Variants in ZSWIM8 observed in about 807,000 individuals in gnomAD.
The protein encoded by ZSWIM8 is zinc finger SWIM domain-containing protein 8.
A neutral mutation model predicts 173.7 loss-of-function variants in ZSWIM8; 27 were observed. That is an observed-to-expected ratio of 0.16 (90% CI 0.11 to 0.21). ZSWIM8 has a LOEUF of 0.21. ZSWIM8 is among the 10% of genes least tolerant of loss of function. ZSWIM8 has a pLI of 1.00. For missense variants in ZSWIM8, 1,627 were observed against 2,428.8 expected (o/e 0.67, Z 6.94); for synonymous variants, 958 against 962.0 (o/e 1.00, Z 0.08).
chr10:73,786,149 C>A, intron 1 of ZSWIM8, 63 bp downstream of exon 1: 1 of 1,429,584 alleles, frequency 7.0e-7, no homozygotes. Flanking sequence ...CGGGAGCTGT[C>A]CGGGACCAGG....
chr10:73,799,256 G>GGCAGCAGTGACAGCA lies in ZSWIM8; in HGVS notation c.4437_4451dup (p.Val1480_Ala1484dup). On this transcript the variant is annotated inframe_insertion, in exon 21 of 26. Coordinates refer to ENST00000604729, the MANE Select transcript of ZSWIM8 (RefSeq NM_001367799.1). ...GGACTGAGCCGGTTACAGTGGCAGC[G>GGCAGCAGTGACAGCA]GCAGCAGTGACAGCAGCAGCCACAG... 6.3e-7 allele frequency: 1 copy of GGCAGCAGTGACAGCA among 1,599,806 alleles called. No homozygotes were observed.
intron 7 of ZSWIM8, among the ~76,000 whole-genome samples, chr10:73,790,722 G>A (rs559304976): frequency 2.0e-5 from 3 of 152,192 alleles, no homozygotes; most frequent in South Asian, 2.1e-4. Flanking sequence ...GGTGGCGGGC[G>A]CCTGTAATCT....
Position 73,798,466 on chromosome 10 carries a change from G to A in ZSWIM8, c.4176+13G>A, listed in dbSNP as rs2083766634. ...GTGCAAGGAACAGGTATTTCTACGGGCAATCTGGGAACCTCTTCTGGGGCA... is the reference window on the plus strand; with the variant it reads ...GTGCAAGGAACAGGTATTTCTACGGACAATCTGGGAACCTCTTCTGGGGCA... On this transcript the variant is annotated intron_variant, in intron 20 of 25. Coordinates refer to ENST00000604729, the MANE Select transcript of ZSWIM8 (RefSeq NM_001367799.1). 6.2e-7 allele frequency: 1 copy of A among 1,607,748 alleles called. No individual in the cohort carries two copies. The highest frequency in any genetic ancestry group is 1.1e-5 in the South Asian group (1 of 90,832).
chr10:73,799,239 C>T lies in ZSWIM8; in HGVS notation c.4414C>T (p.Pro1472Ser), dbSNP rs867077291. 6.2e-7 allele frequency: 1 copy of T among 1,603,032 alleles called. No homozygotes were observed. Among genetic ancestry groups the T allele is most frequent in the East Asian group, 2.3e-5 (1 of 44,362 alleles). The stretch of plus-strand genomic sequence containing the variant: ...GGGTAGAGGGGGCCCAGGGACTGAG[C>T]CGGTTACAGTGGCAGCGGCAGCAGT... The part of the protein sequence containing the change: ...PEGRGGPGTE[P>S]VTVAAAAVTA... The change falls in exon 21 of 26, where the codon CCG becomes TCG. Residue 1472 changes from proline to serine, a missense_variant. Pro to Ser is a moderately conservative substitution (Grantham distance 74). Coordinates refer to ENST00000604729, the MANE Select transcript of ZSWIM8 (RefSeq NM_001367799.1).
Position 73,797,264 on chromosome 10 carries a change from G to A in ZSWIM8, c.3426G>A (p.Lys1142=), listed in dbSNP as rs2083708315. The A allele has an allele frequency of 6.2e-7, 1 of 1,613,862 alleles. No homozygotes were observed. The highest frequency in any genetic ancestry group is 8.5e-7 in the Non-Finnish European group (1 of 1,179,882). ...GGTCCCCAGGACGGCCTAAGAAGAA[G>A]CACACAGGTAGGATAGCCTGTGGGC... ...GWGSPGRPKK[K]HTGMASIDSS... is the part of the protein sequence containing the mutation. Residue 1142 remains lysine, a synonymous_variant, in exon 17 of 26, where the codon AAG becomes AAA. Transcript: ENST00000604729. This position sits in a 1 kb window ranked among gnomAD's most constrained non-coding sequence, Gnocchi z 5.6.
At position 73,799,093 on chromosome 10, in the gene ZSWIM8, A is replaced by G; in HGVS notation, c.4268A>G (p.His1423Arg). Residue 1423 changes from histidine to arginine, a missense_variant, in exon 21 of 26, where the codon CAC becomes CGC. This residue lies in a region of ZSWIM8 where 95 missense variants were observed against 271.3 expected (regional missense o/e 0.35). Coordinates refer to ENST00000604729, the MANE Select transcript of ZSWIM8 (RefSeq NM_001367799.1). Reference sequence around the variant, plus strand: ...CCTGAAGTGTTGTTTGAGGTTGCTCACCAGTGGTTCTGGCTGTATGAGCAA... The same window carrying G: ...CCTGAAGTGTTGTTTGAGGTTGCTCGCCAGTGGTTCTGGCTGTATGAGCAA... ...VYPEVLFEVA[H>R]QWFWLYEQTA... The G allele has an allele frequency of 6.2e-7, 1 of 1,613,872 alleles. No homozygotes were observed. Among genetic ancestry groups the G allele is most frequent in the Non-Finnish European group, 8.5e-7 (1 of 1,179,828 alleles).
chr10:73,794,801 T>C, intron 14 of ZSWIM8, 162 bp downstream of exon 14: 1 of 595,836 alleles, frequency 1.7e-6, no homozygotes, highest in Non-Finnish European at 2.9e-6. Flanking sequence ...AAATGTGTGC[T>C]ATATGGCTGG....
chr10:73,789,249 A>C lies in ZSWIM8; in HGVS notation c.457+59A>C. 1 of 1,610,114 alleles carries C rather than the reference A, an allele frequency of 6.2e-7. No homozygotes were observed. Among genetic ancestry groups the C allele is most frequent in the Non-Finnish European group, 8.5e-7 (1 of 1,176,760 alleles). On this transcript the variant is annotated intron_variant, in intron 3 of 25. Coordinates refer to ENST00000604729, the MANE Select transcript of ZSWIM8 (RefSeq NM_001367799.1). This position sits in a 1 kb window ranked among gnomAD's most constrained non-coding sequence, Gnocchi z 6.8. ...GCTCCTCCCATCCCCTGGCTTATGA[A>C]GTAAGAACACACCGCAAGAAGCTGG...
rs1450559971 is a variant in ZSWIM8, at chr10:73,797,984, T to C, written c.3866T>C (p.Ile1289Thr). The change falls in exon 19 of 26, where the codon ATT becomes ACT. Residue 1289 changes from isoleucine (I) to threonine (T), a missense_variant. Physicochemically the swap from Ile to Thr is moderately conservative, Grantham distance 89 (BLOSUM62 -1). Coordinates refer to ENST00000604729, the MANE Select transcript of ZSWIM8 (RefSeq NM_001367799.1). The surrounding 1 kb of genome is among the most constrained non-coding windows in gnomAD (Gnocchi z 5.6). Reference sequence around the variant, plus strand: ...AACCTGCACCTTTGCGCCTTCGAGATTGGGCTTTATGCCCTTGGCCTGCAC... The same window carrying C: ...AACCTGCACCTTTGCGCCTTCGAGACTGGGCTTTATGCCCTTGGCCTGCAC... ...HRNLHLCAFE[I>T]GLYALGLHNF... 2 of 1,614,056 alleles carry C rather than the reference T, an allele frequency of 1.2e-6. No individual in the cohort carries two copies. The highest frequency in any genetic ancestry group is 1.7e-5 in the Admixed American group (1 of 60,032).
Position 73,799,378 on chromosome 10 carries a change from C to T in ZSWIM8, c.4553C>T (p.Pro1518Leu), listed in dbSNP as rs1205814964. 3.1e-6 allele frequency: 5 copies of T among 1,612,032 alleles called. No individual in the cohort carries two copies. The highest frequency in any genetic ancestry group is 1.7e-4 in the Middle Eastern group (1 of 6,060). Reference sequence around the variant, plus strand: ...CTGCACCCCTACACTGCTCTACAGCCCCACCTGCCCTGTAGCCCTCAGTAT... The same window carrying T: ...CTGCACCCCTACACTGCTCTACAGCTCCACCTGCCCTGTAGCCCTCAGTAT... ...PGLHPYTALQPHLPCSPQYLT... is the reference protein window; with the variant it reads ...PGLHPYTALQLHLPCSPQYLT... Residue 1518 changes from proline (P) to leucine (L), a missense_variant, in exon 21 of 26, where the codon CCC (proline) becomes CTC (leucine). Physicochemically the swap from Pro to Leu is moderately conservative, Grantham distance 98. Coordinates refer to ENST00000604729, the MANE Select transcript of ZSWIM8 (RefSeq NM_001367799.1).
chr10:73,800,761 T>TAAC lies in ZSWIM8; in HGVS notation c.5122+4_5122+6dup, dbSNP rs1335290833. ...TGCTGGGGCTGGCAGCAAAGCTGGGTAACACCTCCCCTCCCTAGGACCATT... is the reference window on the plus strand; with the variant it reads ...TGCTGGGGCTGGCAGCAAAGCTGGGTAACAACACCTCCCCTCCCTAGGACCATT... On this transcript the variant is annotated splice_region_variant and intron_variant, in intron 24 of 25. Coordinates refer to ENST00000604729, the MANE Select transcript of ZSWIM8 (RefSeq NM_001367799.1). The surrounding 1 kb of genome is among the most constrained non-coding windows in gnomAD (Gnocchi z 4.1). 6.2e-7 allele frequency: 1 copy of TAAC among 1,611,188 alleles called. No homozygotes were observed. Among genetic ancestry groups the TAAC allele is most frequent in the South Asian group, 1.1e-5 (1 of 90,910 alleles).
rs767027753 is a variant in ZSWIM8, at chr10:73,792,556, G to A, written c.2017G>A (p.Val673Met). Residue 673 changes from valine to methionine, a missense_variant, in exon 10 of 26, where the codon GTG becomes ATG. Physicochemically the swap from Val to Met is conservative, Grantham distance 21. Around this residue, in one of 18 missense-constraint regions of ZSWIM8, gnomAD observed 383 missense variants for 394.8 expected, o/e 0.97. Coordinates refer to ENST00000604729, the MANE Select transcript of ZSWIM8 (RefSeq NM_001367799.1). The surrounding 1 kb of genome is among the most constrained non-coding windows in gnomAD (Gnocchi z 4.3). ...PPDTYEEDGG[V>M]YFSEGPEPPT... ...AGATACTTATGAAGAAGATGGTGGT[G>A]TGTACTTCTCGGAAGGGCCTGAGCC... 1.2e-6 allele frequency: 2 copies of A among 1,614,056 alleles called. No homozygotes were observed. Among genetic ancestry groups the A allele is most frequent in the South Asian group, 2.2e-5 (2 of 91,090 alleles).
chr10:73,801,260 C>T lies in ZSWIM8; in HGVS notation c.5302-56C>T. The T allele has an allele frequency of 6.2e-7, 1 of 1,604,354 alleles. No homozygotes were observed. Among genetic ancestry groups the T allele is most frequent in the Non-Finnish European group, 8.5e-7 (1 of 1,173,440 alleles). On this transcript the variant is annotated intron_variant, in intron 25 of 25. Coordinates refer to ENST00000604729, the MANE Select transcript of ZSWIM8 (RefSeq NM_001367799.1). This position sits in a 1 kb window ranked among gnomAD's most constrained non-coding sequence, Gnocchi z 4.9. ...TGGGTGGTCTTGGACCAGAGGGAGGCAGGGCCTGTTTCTGTGCTTTGTACT... is the reference window on the plus strand; with the variant it reads ...TGGGTGGTCTTGGACCAGAGGGAGGTAGGGCCTGTTTCTGTGCTTTGTACT...
In ZSWIM8 at chr10:73,791,291, T is replaced by A; in HGVS notation, c.1144-33T>A. 6.3e-7 allele frequency: 1 copy of A among 1,587,344 alleles called. No homozygotes were observed. Among genetic ancestry groups the A allele is most frequent in the South Asian group, 1.1e-5 (1 of 88,660 alleles). On this transcript the variant is annotated intron_variant, in intron 8 of 25. Coordinates refer to ENST00000604729, the MANE Select transcript of ZSWIM8 (RefSeq NM_001367799.1). This position sits in a 1 kb window ranked among gnomAD's most constrained non-coding sequence, Gnocchi z 6.0. ...GGCTACTCTGCCTTTCTCTGAGCTC[T>A]CAGGTGCAGCTCACAGCCTTCTTTG...
In ZSWIM8 at chr10:73,786,012, GCAAA is replaced by G. The variant is rs1223633594; in HGVS notation, c.137_140del (p.Lys46SerfsTer27). The G allele has an allele frequency of 6.2e-7, 1 of 1,600,210 alleles. No individual in the cohort carries two copies. Among genetic ancestry groups the G allele is most frequent in the Non-Finnish European group, 8.5e-7 (1 of 1,173,252 alleles). ...CTCTGCCAGAACTGGCGGGGATGGC[GCAAA>G]CAGTCAGCGGGGCCCAATTCCCCCA... On this transcript the variant is annotated frameshift_variant, in exon 1 of 26. Coordinates refer to ENST00000604729, the MANE Select transcript of ZSWIM8 (RefSeq NM_001367799.1). LOFTEE classifies it high-confidence loss of function.
chr10:73,792,909 T>C lies in ZSWIM8; in HGVS notation c.2313+57T>C, dbSNP rs1294850062. ...CTCCTTAGCCACAACTGGGAGGGGC[T>C]ATCTAGCTCTAGTTGGGAGTGTCAG... is the stretch of plus-strand genomic sequence containing the variant. On this transcript the variant is annotated intron_variant, in intron 10 of 25. Transcript: ENST00000604729. The surrounding 1 kb of genome is among the most constrained non-coding windows in gnomAD (Gnocchi z 4.3). 2.7e-6 allele frequency: 4 copies of C among 1,498,466 alleles called. No homozygotes were observed. In the Admixed American group the frequency reaches 8.8e-5, roughly 33 times the overall value. 92.8% of individuals were successfully genotyped at this position (1,498,466 alleles called of 1,614,324 possible).
chr10:73,786,406 CGT>C (rs2083228389), intron 1 of ZSWIM8: 1 of 317,860 alleles, frequency 3.1e-6, no homozygotes, highest in Non-Finnish European at 5.8e-6. Flanking sequence ...GTAAATCTTT[CGT>C]CACTCCTTTG....
chr10:73,799,955 G>A (rs931604320), intron 21 of ZSWIM8, 56 bp from the exon 22 acceptor site: 12 of 1,569,378 alleles, frequency 7.6e-6, no homozygotes, highest in African/African-American at 2.7e-5. Flanking sequence ...GGTGAAGCAC[G>A]ACAGCAACAT....
intron 15 of ZSWIM8, 111 bp downstream of exon 15, chr10:73,795,774 A>G (rs560447838): frequency 5.6e-6 from 7 of 1,249,862 alleles, no homozygotes; most frequent in South Asian, 4.4e-5. Flanking sequence ...CCTGGGCAAC[A>G]TGGCGAAACC....
Sources: gnomAD v4.1 joint callset for allele counts (sites outside exome capture counted in the v4.1 genomes callset) on GRCh38, gnomAD v4.1.1 for gene constraint, gnomAD v4.1.1 regional missense constraint, Gnocchi (gnomAD v3.1) non-coding constraint, MANE v1.5 for transcripts, NCBI Gene and HGNC (gene_info 2026-07-23, HGNC 2026-07-21) for gene names.